Variants in MAK observed in about 807,000 individuals in gnomAD.
MAK encodes the protein male germ cell associated kinase.
In MAK, 65 loss-of-function variants were observed where a neutral mutation model predicts 82.6. The ratio of observed to expected loss-of-function variants is 0.79; its 90% CI spans 0.64 to 0.97. The LOEUF is 0.97. Among genes scored for constraint, MAK ranks in the 50% least tolerant of loss-of-function variants. The pLI, the probability that MAK is intolerant of heterozygous loss-of-function variation, is 0.00. For missense variants in MAK, 703 were observed against 780.2 expected (o/e 0.90, Z 1.18); for synonymous variants, 250 against 274.2 (o/e 0.91, Z 0.87).
At chr6:10,769,515 C>T (rs1772793574) in intron 14 of MAK, among the ~76,000 whole-genome samples, 1 of 152,198 alleles carries the variant, frequency 6.6e-6, no homozygotes, top group South Asian at 2.1e-4. Flanking sequence ...AATACTATTG[C>T]AAAGCAAAAG....
At chr6:10,774,066 G>A (rs1269787543) in intron 12 of MAK, among the ~76,000 whole-genome samples, 1 of 152,034 alleles carries the variant, frequency 6.6e-6, no homozygotes, top group Non-Finnish European at 1.5e-5. Context: ...CCTTTTTGAT[G>A]CTTGGACATT....
chr6:10,835,235 C>T (rs1341266453), intron 1 of MAK, among the ~76,000 whole-genome samples: 1 of 152,200 alleles, frequency 6.6e-6, no homozygotes, highest in South Asian at 2.1e-4. Context: ...CCTGGCCTTC[C>T]AAGAAGGTTT....
At chr6:10,803,564 TA>T (rs1776177043) in intron 7 of MAK, among the ~76,000 whole-genome samples, 155 bp downstream of exon 7, 1 of 149,268 alleles carries the variant, frequency 6.7e-6, no homozygotes, top group Non-Finnish European at 1.5e-5. Flanking sequence ...AAAAGAATTA[TA>T]AGAAAATTAA....
intron 9 of MAK, among the ~76,000 whole-genome samples, chr6:10,794,759 A>C (rs1367198206): frequency 6.6e-6 from 1 of 151,826 alleles, no homozygotes; most frequent in African/African-American, 2.4e-5. Flanking sequence ...TTGGGAGGCC[A>C]AGGAGGGTGG....
chr6:10,813,134 A>AT lies in MAK; in HGVS notation c.358+509_358+510insA, dbSNP rs1554183602. ...TATATATATATATATATATATATAT[A>AT]AATTTTTTTTTTTTTTTTTTTTTTT... On this transcript the variant is annotated intron_variant, in intron 5 of 14. Coordinates refer to ENST00000354489, the MANE Select transcript of MAK (RefSeq NM_001242957.3). Among the ~76,000 whole-genome samples, 5 of 728 alleles carry AT rather than the reference A, an allele frequency of 6.9e-3. 1 individual carries two copies. The highest frequency in any genetic ancestry group is 0.17 in the South Asian group (1 of 6). The allele number at this position is 728 out of a possible 152,430, so 0.5% of individuals were successfully genotyped here.
chr6:10,815,911 AGTAT>A (rs1257240537), intron 4 of MAK, among the ~76,000 whole-genome samples: 3 of 78,190 alleles, frequency 3.8e-5, no homozygotes, highest in African/African-American at 2.1e-4. Context: ...AGCTTTATAC[AGTAT>A]ATATATATAT....
chr6:10,814,391 G>A (rs192612536), intron 4 of MAK, among the ~76,000 whole-genome samples: 5 of 152,212 alleles, frequency 3.3e-5, no homozygotes, highest in East Asian at 1.9e-4. Flanking sequence ...AGAGATGGCC[G>A]GATGTGGTGG....
rs1169543703 is a variant in MAK at position 10,806,166 on chromosome 6, C to T, written c.492-2275G>A. On this transcript the variant is annotated intron_variant, in intron 6 of 14. Coordinates refer to ENST00000354489, the MANE Select transcript of MAK (RefSeq NM_001242957.3). ...CCCATTTCCCCTTTGACCTTCACCC[C>T]GCCATCTTTTCTTTTTTTTTTTTTT... 2.3e-5 allele frequency among the ~76,000 whole-genome samples: 3 copies of T among 132,856 alleles called. No homozygotes were observed. In the Admixed American group the frequency reaches 2.6e-4, roughly 11 times the overall value. 87.2% of individuals were successfully genotyped at this position (132,856 alleles called of 152,430 possible).
At position 10,793,215 on chromosome 6, in the gene MAK, CAATG is replaced by C. The variant is rs570943104; in HGVS notation, c.1144-1372_1144-1369del. Among the ~76,000 whole-genome samples the C allele has an allele frequency of 4.8e-4, 73 of 152,190 alleles. No homozygotes were observed. Among genetic ancestry groups the C allele is most frequent in the African/African-American group, 1.6e-3 (65 of 41,524 alleles). On this transcript the variant is annotated intron_variant, in intron 9 of 14. Coordinates refer to ENST00000354489, the MANE Select transcript of MAK (RefSeq NM_001242957.3). The surrounding 1 kb of genome is among the most constrained non-coding windows in gnomAD (Gnocchi z 4.6). ...ACCACACTTTTTCATAAAAGGCAAA[CAATG>C]AATTCATTCAGTGTAGTGTATGTGG...
chr6:10,772,751 C>A (rs898297241), intron 13 of MAK, among the ~76,000 whole-genome samples: 1 of 152,060 alleles, frequency 6.6e-6, no homozygotes, highest in Non-Finnish European at 1.5e-5. Flanking sequence ...TCTTTTGATT[C>A]TTTTCATTAG....
intron 14 of MAK, among the ~76,000 whole-genome samples, chr6:10,769,853 A>G (rs1162774079): frequency 6.6e-6 from 1 of 152,220 alleles, no homozygotes; most frequent in African/African-American, 2.4e-5. Flanking sequence ...ATTAAATGAT[A>G]TAATTCCAGT....
chr6:10,806,505 ATTTTTTTTTTTTTTT>A (rs70991049), intron 6 of MAK, among the ~76,000 whole-genome samples: 1 of 117,140 alleles, frequency 8.5e-6, no homozygotes, highest in Non-Finnish European at 1.7e-5. Context: ...CACCCGTCTA[ATTTTTTTTTTTTTTT>A]TTTTTTTTTT....
At chr6:10,818,770 G>A in intron 3 of MAK, 116 bp downstream of exon 3, 1 of 700,478 alleles carries the variant, frequency 1.4e-6, no homozygotes, top group Non-Finnish European at 2.6e-6. Flanking sequence ...GAATATAAAG[G>A]AAAAACAAAC....
At chr6:10,774,751 A>T (rs539955707) in intron 12 of MAK, among the ~76,000 whole-genome samples, 1 of 152,364 alleles carries the variant, frequency 6.6e-6, no homozygotes, top group African/African-American at 2.4e-5. Context: ...AAAGTTACTT[A>T]CTTTCTCAAC....
At chr6:10,817,759 A>G in intron 4 of MAK, 91 bp downstream of exon 4, 2 of 1,082,652 alleles carry the variant, frequency 1.8e-6, no homozygotes, top group South Asian at 2.8e-5. Flanking sequence ...TTTTGGAGCA[A>G]TCAATCTTTC....
chr6:10,774,575 T>G (rs1242541478), intron 12 of MAK, among the ~76,000 whole-genome samples: 1 of 152,114 alleles, frequency 6.6e-6, no homozygotes, highest in Admixed American at 6.5e-5. Context: ...CTCTTCAAAA[T>G]TACAGACCAA....
intron 12 of MAK, 45 bp downstream of exon 12, chr6:10,775,283 A>G (rs1773365168): frequency 1.9e-6 from 3 of 1,603,938 alleles, no homozygotes; most frequent in South Asian, 2.2e-5. Flanking sequence ...GTAGACCTCT[A>G]TAAAGGAAAA....
intron 2 of MAK, among the ~76,000 whole-genome samples, chr6:10,820,095 G>C (rs1777816355): frequency 6.6e-6 from 1 of 151,766 alleles, no homozygotes; most frequent in African/African-American, 2.4e-5. Context: ...CTGGGTGGCA[G>C]AGTGAGACTC....
At chr6:10,767,350 C>T (rs2127505822) in intron 14 of MAK, among the ~76,000 whole-genome samples, 1 of 152,244 alleles carries the variant, frequency 6.6e-6, no homozygotes, top group South Asian at 2.1e-4. Context: ...ACACAGAGTG[C>T]TTAAAACAGG....
Sources: allele counts gnomAD v4.1 joint callset (sites outside exome capture counted in the v4.1 genomes callset), GRCh38; gene constraint gnomAD v4.1.1; non-coding constraint Gnocchi (gnomAD v3.1); transcripts MANE v1.5; gene names NCBI Gene and HGNC (gene_info 2026-07-23, HGNC 2026-07-21).